The following NECAB1 variants were observed in gnomAD, a reference collection of about 807,000 sequenced individuals.
The protein encoded by NECAB1 is N-terminal EF-hand calcium-binding protein 1.
In NECAB1, 29 loss-of-function variants were observed where a neutral mutation model predicts 57.5. That is an observed-to-expected ratio of 0.50 (90% CI 0.38 to 0.69). The LOEUF is 0.69. Among genes scored for constraint, NECAB1 ranks in the 30% least tolerant of loss-of-function variants. The pLI is 0.00. For missense variants in NECAB1, 372 were observed against 413.8 expected, an observed-to-expected ratio of 0.90 and a Z score of 0.88; for synonymous variants, 142 against 147.7, an observed-to-expected ratio of 0.96 and a Z score of 0.28.
At chr8:90,885,354 G>A (rs942629362) in intron 5 of NECAB1, among the ~76,000 whole-genome samples, 6 of 152,150 alleles carry the variant, frequency 3.9e-5, no homozygotes, top group Admixed American at 1.3e-4. Context: ...CATTGCTGCA[G>A]CCCCACCAGA....
chr8:90,882,081 A>G (rs1471750833), intron 5 of NECAB1, among the ~76,000 whole-genome samples: 1 of 152,232 alleles, frequency 6.6e-6, no homozygotes, highest in Non-Finnish European at 1.5e-5. Flanking sequence ...AAAGCTAAGG[A>G]TTTAGGCCTG....
At chr8:90,802,085 A>C (rs1264157793) in intron 2 of NECAB1, among the ~76,000 whole-genome samples, 1 of 152,212 alleles carries the variant, frequency 6.6e-6, no homozygotes, top group Non-Finnish European at 1.5e-5. Context: ...GAATTATTAC[A>C]ATACAAAGCT....
In NECAB1 at chr8:90,957,697, GAAAAAAGAAA is replaced by G. The variant is rs1462339737; in HGVS notation, c.*2199_*2208del. 8 of 136,982 alleles carry G rather than the reference GAAAAAAGAAA, an allele frequency of 5.8e-5. No individual in the cohort carries two copies. The highest frequency in any genetic ancestry group is 4.6e-4 in the South Asian group (2 of 4,378). The allele number at this position is 136,982 out of a possible 1,614,324, so 8.5% of individuals were successfully genotyped here. A position where few individuals can be genotyped will look rare whatever the true frequency, so the allele number is the denominator to read the frequency against. ...CCAAAAAAAAAAAGAAAAAGAAAAA[GAAAAAAGAAA>G]AAAAAAGAAAAAACTGGGACCTAAG... is the stretch of plus-strand genomic sequence containing the variant. On this transcript the variant is annotated 3_prime_UTR_variant, in exon 13 of 13. Coordinates refer to ENST00000417640, the MANE Select transcript of NECAB1 (RefSeq NM_022351.5).
chr8:90,855,038 T>A (rs1360390811), intron 3 of NECAB1, among the ~76,000 whole-genome samples: 1 of 152,214 alleles, frequency 6.6e-6, no homozygotes, highest in Non-Finnish European at 1.5e-5. Context: ...TTCCTAGGCA[T>A]CTATATGCCC....
chr8:90,957,679 AAAAAAG>A lies in NECAB1; in HGVS notation c.*2185_*2190del, dbSNP rs1253462322. The A allele has an allele frequency of 9.3e-5, 14 of 150,688 alleles. No homozygotes were observed. The highest frequency in any genetic ancestry group is 1.9e-4 in the East Asian group (1 of 5,190). 9.3% of individuals were successfully genotyped at this position (150,688 alleles called of 1,614,324 possible). The stretch of plus-strand genomic sequence containing the variant: ...AAAAGGAAACTAGTAGGGCCAAAAA[AAAAAAG>A]AAAAAGAAAAAGAAAAAAGAAAAAA... On this transcript the variant is annotated 3_prime_UTR_variant, in exon 13 of 13. Coordinates refer to ENST00000417640, the MANE Select transcript of NECAB1 (RefSeq NM_022351.5).
intron 2 of NECAB1, among the ~76,000 whole-genome samples, chr8:90,808,787 A>G (rs2129664049): frequency 6.6e-6 from 1 of 151,772 alleles, no homozygotes; most frequent in East Asian, 1.9e-4. Flanking sequence ...CTGGGACTAC[A>G]GGTGCGTGCC....
chr8:90,871,764 C>T (rs1808626017), intron 3 of NECAB1, among the ~76,000 whole-genome samples: 1 of 152,070 alleles, frequency 6.6e-6, no homozygotes, highest in Non-Finnish European at 1.5e-5. Context: ...TTGGGTCAGA[C>T]GAATTGAGAC....
intron 1 of NECAB1, among the ~76,000 whole-genome samples, chr8:90,796,488 G>A (rs1321146066): frequency 1.3e-5 from 2 of 152,290 alleles, no homozygotes; most frequent in Non-Finnish European, 2.9e-5. Flanking sequence ...ATCTTTTAAT[G>A]TTTCAAAGAT....
chr8:90,879,646 C>A (rs1808802165), intron 4 of NECAB1, among the ~76,000 whole-genome samples: 1 of 152,116 alleles, frequency 6.6e-6, no homozygotes, highest in Non-Finnish European at 1.5e-5. Flanking sequence ...TACGAATATT[C>A]TACGGCCACA....
chr8:90,940,921 C>G, intron 10 of NECAB1, 23 bp downstream of exon 10: 1 of 1,528,038 alleles, frequency 6.5e-7, no homozygotes, highest in Non-Finnish European at 8.9e-7. Flanking sequence ...ACTCCTGCAC[C>G]TTAGGCCTTT....
intron 6 of NECAB1, among the ~76,000 whole-genome samples, chr8:90,925,013 TATACTC>T (rs1213439247): frequency 3.3e-5 from 5 of 151,998 alleles, no homozygotes; most frequent in Non-Finnish European, 5.9e-5. Flanking sequence ...TATCATAACA[TATACTC>T]ATATGAAAGT....
intron 8 of NECAB1, among the ~76,000 whole-genome samples, chr8:90,931,865 C>G (rs1282020153): frequency 6.6e-6 from 1 of 152,058 alleles, no homozygotes; most frequent in Non-Finnish European, 1.5e-5. Context: ...GATCGTGCCA[C>G]TTCACTCCAG....
intron 12 of NECAB1, 36 bp from the exon 13 acceptor site, chr8:90,955,451 T>A (rs1181862886): frequency 6.7e-7 from 1 of 1,497,720 alleles, no homozygotes; most frequent in Admixed American, 2.0e-5. Context: ...CTATAAGTTA[T>A]TTTCATTATT....
Position 90,791,826 on chromosome 8 carries a change from T to G in NECAB1, c.-61T>G. On this transcript the variant is annotated 5_prime_UTR_variant, in exon 1 of 13. Transcript: ENST00000417640. ...CGAAGCAGCAGCTGCGGCCGCGCCCTTGCCAGAGCCGGTGCGTCCGCCTAG... is the reference window on the plus strand; with the variant it reads ...CGAAGCAGCAGCTGCGGCCGCGCCCGTGCCAGAGCCGGTGCGTCCGCCTAG... 1 of 1,400,570 alleles carries G rather than the reference T, an allele frequency of 7.1e-7. No homozygotes were observed. 86.8% of individuals were successfully genotyped at this position (1,400,570 alleles called of 1,614,324 possible).
chr8:90,840,778 G>A (rs1409152300), intron 3 of NECAB1, among the ~76,000 whole-genome samples: 1 of 152,152 alleles, frequency 6.6e-6, no homozygotes, highest in Non-Finnish European at 1.5e-5. Flanking sequence ...GGTTCACAAC[G>A]GGAAAATTGC....
chr8:90,834,211 A>G (rs1038622712), intron 3 of NECAB1, among the ~76,000 whole-genome samples: 1 of 151,818 alleles, frequency 6.6e-6, no homozygotes. Flanking sequence ...TTAGAAATAA[A>G]TGTAGATTAC....
chr8:90,865,588 CTGAG>C (rs1367490821), intron 3 of NECAB1, among the ~76,000 whole-genome samples: 3 of 152,186 alleles, frequency 2.0e-5, no homozygotes, highest in Non-Finnish European at 2.9e-5. Context: ...CTTCTGACAA[CTGAG>C]TATTTATCTT....
intron 5 of NECAB1, among the ~76,000 whole-genome samples, chr8:90,887,544 A>G (rs1215361881): frequency 6.6e-6 from 1 of 152,234 alleles, no homozygotes; most frequent in East Asian, 1.9e-4. Flanking sequence ...GTACATTGAT[A>G]TAGGCCAGAA....
chr8:90,853,317 C>T (rs762264866), intron 3 of NECAB1, among the ~76,000 whole-genome samples: 60 of 152,180 alleles, frequency 3.9e-4, no homozygotes, highest in Non-Finnish European at 5.3e-4. Context: ...TTGAAAGCTG[C>T]GGGCTGGGTA....
Sources: allele counts gnomAD v4.1 joint callset (sites outside exome capture counted in the v4.1 genomes callset), GRCh38; gene constraint gnomAD v4.1.1; transcripts MANE v1.5; gene names NCBI Gene and HGNC (gene_info 2026-07-23, HGNC 2026-07-21).